Variants in SMYD3 observed in about 807,000 individuals in gnomAD.
SMYD3 encodes the protein histone-lysine N-methyltransferase SMYD3.
In SMYD3, 36 loss-of-function variants were observed where a neutral mutation model predicts 57.7. The ratio of observed to expected loss-of-function variants is 0.62; its 90% CI spans 0.48 to 0.82. The LOEUF is 0.82. Ranked by LOEUF, SMYD3 falls within the 40% of genes least tolerant of loss-of-function variation. The pLI is 0.00. For synonymous variants in SMYD3, 211 were observed against 195.0 expected (o/e 1.08, Z -0.68); for missense variants, 515 against 538.8 (o/e 0.96, Z 0.44).
In SMYD3 at chr1:246,065,896, T is replaced by C. The variant is rs139752501; in HGVS notation, c.532-135959A>G. 1.1e-3 allele frequency among the ~76,000 whole-genome samples: 171 copies of C among 152,352 alleles called. 2 individuals carry two copies. Among genetic ancestry groups the C allele is most frequent in the African/African-American group, 4.0e-3 (166 of 41,578 alleles). Reference sequence around the variant, plus strand: ...CGTAGAGTTCACTCTTTTTGTTATATCTGTTACTAACATGAGACTTTTTTC... The same window carrying C: ...CGTAGAGTTCACTCTTTTTGTTATACCTGTTACTAACATGAGACTTTTTTC... On this transcript the variant is annotated intron_variant, in intron 5 of 11. Transcript: ENST00000490107.
chr1:246,080,563 C>T (rs1357795714), intron 5 of SMYD3, among the ~76,000 whole-genome samples: 1 of 152,024 alleles, frequency 6.6e-6, no homozygotes, highest in Non-Finnish European at 1.5e-5. Context: ...GGCAACCTTG[C>T]TTGTGTGGGT....
intron 5 of SMYD3, among the ~76,000 whole-genome samples, chr1:245,932,041 G>A (rs990246361): frequency 4.6e-5 from 7 of 152,096 alleles, no homozygotes; most frequent in African/African-American, 9.7e-5. Context: ...AAAGTCCTAC[G>A]TTTAATTTTT....
At chr1:246,288,062 CTTTTTTTTTTTTTTTT>C (rs67603439) in intron 5 of SMYD3, among the ~76,000 whole-genome samples, 11 of 64,216 alleles carry the variant, frequency 1.7e-4, no homozygotes, top group South Asian at 6.2e-4. Context: ...TCAGGTAATT[CTTTTTTTTTTTTTTTT>C]TTTTTTTTTT....
chr1:245,815,408 G>A (rs192599719), intron 10 of SMYD3, among the ~76,000 whole-genome samples: 3 of 152,262 alleles, frequency 2.0e-5, no homozygotes, highest in East Asian at 1.9e-4. Context: ...CAAGCTGTAC[G>A]CTCTAGTTTT....
chr1:245,863,807 G>A lies in SMYD3; in HGVS notation c.893C>T (p.Ala298Val), dbSNP rs755011903. The part of the protein sequence containing the change: ...ESLKKIEELK[A>V]HWKWEQVLAM... The stretch of plus-strand genomic sequence containing the variant: ...CACAGGCGAAAGGATACTCCAGTGT[G>A]CCTTCAGTTCTTCAATTTTTTTCAG... The change falls in exon 9 of 12, where the codon GCA becomes GTA. Residue 298 changes from alanine to valine, a missense_variant. Coordinates refer to ENST00000490107, the MANE Select transcript of SMYD3 (RefSeq NM_001167740.2). 5.9e-5 allele frequency: 95 copies of A among 1,613,566 alleles called. No homozygotes were observed. The highest frequency in any genetic ancestry group is 7.5e-5 in the Non-Finnish European group (88 of 1,179,612).
At chr1:246,014,501 A>C (rs978678111) in intron 5 of SMYD3, among the ~76,000 whole-genome samples, 2 of 152,284 alleles carry the variant, frequency 1.3e-5, no homozygotes, top group South Asian at 4.2e-4. Context: ...CCCTGACTCT[A>C]GGACTTAGTA....
At chr1:246,370,765 C>A (rs879718470) in intron 1 of SMYD3, among the ~76,000 whole-genome samples, 2 of 152,210 alleles carry the variant, frequency 1.3e-5, no homozygotes, top group Non-Finnish European at 2.9e-5. Context: ...CTACGTGTGT[C>A]ACAAATGTCG....
chr1:246,342,619 C>T (rs904517852), intron 2 of SMYD3, among the ~76,000 whole-genome samples: 1 of 152,182 alleles, frequency 6.6e-6, no homozygotes, highest in Admixed American at 6.5e-5. Context: ...AGATATGAGA[C>T]TTCTCACTTT....
At chr1:246,205,845 A>C (rs1467657299) in intron 5 of SMYD3, among the ~76,000 whole-genome samples, 1 of 152,116 alleles carries the variant, frequency 6.6e-6, no homozygotes, top group Non-Finnish European at 1.5e-5. Context: ...AACAACAACA[A>C]GAGCAAACTT....
intron 10 of SMYD3, among the ~76,000 whole-genome samples, chr1:245,838,657 T>C (rs1010811237): frequency 2.6e-5 from 4 of 152,238 alleles, no homozygotes; most frequent in Admixed American, 1.3e-4. Context: ...AAGGGGCTCC[T>C]GCAAGTGGAA....
At position 245,863,788 on chromosome 1, in the gene SMYD3, C is replaced by T. The variant is rs141752421; in HGVS notation, c.901+11G>A. On this transcript the variant is annotated intron_variant, in intron 9 of 11. Transcript: ENST00000490107. ...CCAACAGTCCACCTCAATCCACAGG[C>T]GAAAGGATACTCCAGTGTGCCTTCA... The T allele has an allele frequency of 4.0e-4, 641 of 1,612,138 alleles. 2 individuals are homozygous for T. The African/African-American group carries it at 6.6e-3, about 17-fold the overall frequency.
At chr1:246,234,448 G>A (rs924434397) in intron 5 of SMYD3, among the ~76,000 whole-genome samples, 1 of 152,130 alleles carries the variant, frequency 6.6e-6, no homozygotes, top group Non-Finnish European at 1.5e-5. Flanking sequence ...ACCATGCAGA[G>A]AAGTACTCCT....
At chr1:246,074,913 TACACAC>T (rs60103366) in intron 5 of SMYD3, among the ~76,000 whole-genome samples, 10,078 of 148,370 alleles carry the variant, frequency 0.068, 388 homozygotes, top group African/African-American at 0.09. Context: ...GCTAAAGCAA[TACACAC>T]ACACACACAC....
At chr1:246,448,194 G>T (rs1478766634) in intron 1 of SMYD3, among the ~76,000 whole-genome samples, 1 of 152,102 alleles carries the variant, frequency 6.6e-6, no homozygotes, top group African/African-American at 2.4e-5. Flanking sequence ...TCCAGCTAGG[G>T]AAACAGAGCG....
chr1:246,230,933 ATT>A (rs1558333030), intron 5 of SMYD3, among the ~76,000 whole-genome samples: 1 of 152,160 alleles, frequency 6.6e-6, no homozygotes, highest in African/African-American at 2.4e-5. Context: ...CAGCAAATCA[ATT>A]TCTCTCACAG....
At chr1:245,903,193 A>T (rs2054308713) in intron 8 of SMYD3, among the ~76,000 whole-genome samples, 1 of 152,132 alleles carries the variant, frequency 6.6e-6, no homozygotes, top group African/African-American at 2.4e-5. Context: ...GAACAAAATT[A>T]AAAAATATAA....
chr1:246,054,873 T>TAA (rs749022916), intron 5 of SMYD3, among the ~76,000 whole-genome samples: 102 of 79,096 alleles, frequency 1.3e-3, no homozygotes, highest in African/African-American at 3.5e-3. Flanking sequence ...AGGATGACTA[T>TAA]AAAAAAAAAA....
rs1440562944 is a variant in SMYD3 at position 245,749,555 on chromosome 1, G to C, written c.*8C>G. 2 of 1,609,228 alleles carry C rather than the reference G, an allele frequency of 1.2e-6. No individual in the cohort carries two copies. Among genetic ancestry groups the C allele is most frequent in the African/African-American group, 2.7e-5 (2 of 74,838 alleles). On this transcript the variant is annotated 3_prime_UTR_variant, in exon 12 of 12. Coordinates refer to ENST00000490107, the MANE Select transcript of SMYD3 (RefSeq NM_001167740.2). ...ACACACGCCGTATTTCCCTCTGACT[G>C]CGTTCCCTTAGGATGCTCTGATGTT...
chr1:246,491,294 C>G (rs1237064999), intron 1 of SMYD3, among the ~76,000 whole-genome samples: 3 of 152,090 alleles, frequency 2.0e-5, no homozygotes, highest in Non-Finnish European at 4.4e-5. Flanking sequence ...TCCCAGCACT[C>G]TGGGAGGCCG....
Sources: allele counts gnomAD v4.1 joint callset (sites outside exome capture counted in the v4.1 genomes callset), GRCh38; gene constraint gnomAD v4.1.1; transcripts MANE v1.5; gene names NCBI Gene and HGNC (gene_info 2026-07-23, HGNC 2026-07-21).